Variants in SENP6 observed in about 807,000 individuals in gnomAD.
SENP6 encodes SUMO specific peptidase 6.
Under a neutral mutation model 134.5 loss-of-function variants are expected in SENP6, and 41 were observed. The observed-to-expected ratio is 0.30, with a 90% CI of 0.24 to 0.40. The LOEUF is 0.40. SENP6 is among the 10% of genes least tolerant of loss of function. The probability of loss-of-function intolerance (pLI) is 1.00; values close to 1 mark genes in which losing one functional copy is unlikely to be tolerated. For missense variants in SENP6, 1,248 were observed against 1,312.5 expected (o/e 0.95, Z 0.76); for synonymous variants, 395 against 429.8 (o/e 0.92, Z 1.00).
Position 75,666,910 on chromosome 6 carries a change from C to A in SENP6, c.1193C>A (p.Thr398Lys). The change falls in exon 10 of 24, where the codon ACA becomes AAA. Residue 398 changes from threonine to lysine, a missense_variant. Physicochemically the swap from Thr to Lys is moderately conservative, Grantham distance 78. Around this residue, in one of 3 missense-constraint regions of SENP6, gnomAD observed 733 missense variants for 725.4 expected, o/e 1.01. Transcript: ENST00000447266. ...IPEDSELNTV[T>K]LPRKARMKDQ... ...GAAGACTCAGAGTTAAATACAGTTA[C>A]ATTGCCAAGAAAAGCAAGAATGAAA... 1 of 1,605,264 alleles carries A rather than the reference C, an allele frequency of 6.2e-7. No individual in the cohort carries two copies. The highest frequency in any genetic ancestry group is 1.3e-5 in the African/African-American group (1 of 74,974).
intron 11 of SENP6, among the ~76,000 whole-genome samples, chr6:75,674,306 G>A (rs1481535456): frequency 1.3e-5 from 2 of 151,788 alleles, no homozygotes; most frequent in Non-Finnish European, 2.9e-5. Context: ...ATAGGTACAT[G>A]CCATCTATAC....
Position 75,663,510 on chromosome 6 carries a change from A to G in SENP6, c.986A>G (p.Asn329Ser), listed in dbSNP as rs1771936653. The G allele has an allele frequency of 1.9e-6, 3 of 1,607,034 alleles. No individual in the cohort carries two copies. The highest frequency in any genetic ancestry group is 1.3e-5 in the African/African-American group (1 of 74,500). The change falls in exon 9 of 24, where the codon AAT (asparagine) becomes AGT (serine). Residue 329 changes from asparagine (N) to serine (S), a missense_variant. Physicochemically the swap from Asn to Ser is conservative, Grantham distance 46. Transcript: ENST00000447266. ...AGGAAAACAAGTTTGTCAGACCTAAATGATCCAAGTAAGTATTTTACTCCC... is the reference window on the plus strand; with the variant it reads ...AGGAAAACAAGTTTGTCAGACCTAAGTGATCCAAGTAAGTATTTTACTCCC... ...KERKTSLSDL[N>S]DPIILSSDDD...
chr6:75,668,612 T>C (rs1232864874), intron 10 of SENP6, among the ~76,000 whole-genome samples: 2 of 152,128 alleles, frequency 1.3e-5, no homozygotes, highest in Non-Finnish European at 2.9e-5. Context: ...TTTGGAGAAG[T>C]GGAATGTTGA....
chr6:75,680,012 T>C (rs1279149444), intron 16 of SENP6: 2 of 152,246 alleles, frequency 1.3e-5, no homozygotes, highest in Non-Finnish European at 2.9e-5. Context: ...TTGATAGGCA[T>C]GACATCGTGG....
intron 7 of SENP6, among the ~76,000 whole-genome samples, chr6:75,653,421 T>C (rs1771070157): frequency 6.6e-6 from 1 of 152,236 alleles, no homozygotes; most frequent in African/African-American, 2.4e-5. Flanking sequence ...GTAAAGCTTT[T>C]CCAACCCTGG....
At chr6:75,714,133 T>C (rs1005977014) in intron 23 of SENP6, among the ~76,000 whole-genome samples, 2 of 152,182 alleles carry the variant, frequency 1.3e-5, no homozygotes, top group Non-Finnish European at 2.9e-5. Context: ...TTTAGCCTCT[T>C]TTCTCCTCTT....
intron 11 of SENP6, 150 bp from the exon 12 acceptor site, chr6:75,675,285 A>G (rs1040474104): frequency 4.1e-6 from 2 of 493,236 alleles, no homozygotes; most frequent in African/African-American, 2.0e-5. Context: ...AGCAATGTTT[A>G]GGTGTTCATT....
chr6:75,634,923 G>A, intron 5 of SENP6, 112 bp downstream of exon 5: 1 of 710,318 alleles, frequency 1.4e-6, no homozygotes, highest in African/African-American at 1.8e-5. Context: ...TTCACTGTCT[G>A]TAGAGAGATA....
rs1484978121 is a variant in SENP6 at position 75,718,059 on chromosome 6, ATGTAGGAGGTTTTATT to A, written c.*2468_*2483del. On this transcript the variant is annotated 3_prime_UTR_variant, in exon 24 of 24. Coordinates refer to ENST00000447266, the MANE Select transcript of SENP6 (RefSeq NM_015571.4). The stretch of plus-strand genomic sequence containing the variant: ...TGTGCTTAAACTTTTAGTCAATTAA[ATGTAGGAGGTTTTATT>A]TGAAAACATAAAATGATTCTCTAAA... The A allele has an allele frequency of 6.6e-6, 1 of 152,096 alleles. No homozygotes were observed. The highest frequency in any genetic ancestry group is 2.4e-5 in the African/African-American group (1 of 41,456). The allele number at this position is 152,096 out of a possible 1,614,324, so 9.4% of individuals were successfully genotyped here.
rs1770454143 is a variant in SENP6, at chr6:75,646,542, G to A, written c.480-1189G>A. On this transcript the variant is annotated intron_variant, in intron 6 of 23. Transcript: ENST00000447266. ...TGCTATTTTCTGACTGCTATTATAAGTACACTACTGTCAGCCGGGCGCGGT... is the reference window on the plus strand; with the variant it reads ...TGCTATTTTCTGACTGCTATTATAAATACACTACTGTCAGCCGGGCGCGGT... The A allele has an allele frequency of 3.3e-5, 5 of 152,170 alleles. No homozygotes were observed. In the South Asian group the frequency reaches 1.0e-3, roughly 31 times the overall value. 9.4% of individuals were successfully genotyped at this position (152,170 alleles called of 1,614,324 possible).
chr6:75,603,904 C>T (rs1026868814), intron 1 of SENP6, among the ~76,000 whole-genome samples: 3 of 152,124 alleles, frequency 2.0e-5, no homozygotes, highest in African/African-American at 7.2e-5. Context: ...AGAAAAGCTT[C>T]TGAGTTTTTC....
intron 16 of SENP6, chr6:75,679,555 G>A (rs1008751214): frequency 6.6e-6 from 1 of 152,264 alleles, no homozygotes; most frequent in African/African-American, 2.4e-5. Flanking sequence ...GCATTAACAT[G>A]GTACAGTCCT....
chr6:75,609,906 G>T (rs1379232173), intron 1 of SENP6, among the ~76,000 whole-genome samples: 3 of 152,098 alleles, frequency 2.0e-5, no homozygotes, highest in South Asian at 2.1e-4. Flanking sequence ...TGCTTCCTCA[G>T]CCTCCCTAGT....
At chr6:75,655,872 T>C (rs898745002) in intron 7 of SENP6, among the ~76,000 whole-genome samples, 2 of 152,100 alleles carry the variant, frequency 1.3e-5, no homozygotes, top group Non-Finnish European at 2.9e-5. Context: ...AGTAATATCT[T>C]CCATAGTCTC....
In SENP6 at chr6:75,658,689, G is replaced by A. The variant is rs111374188; in HGVS notation, c.551-573G>A. On this transcript the variant is annotated intron_variant, in intron 7 of 23. Coordinates refer to ENST00000447266, the MANE Select transcript of SENP6 (RefSeq NM_015571.4). Reference sequence around the variant, plus strand: ...CTTGTGGCAGGCTTAGTTTAGTTTCGTTTACCCAAACAATTGTACTGTTTG... The same window carrying A: ...CTTGTGGCAGGCTTAGTTTAGTTTCATTTACCCAAACAATTGTACTGTTTG... 4.6e-3 allele frequency among the ~76,000 whole-genome samples: 702 copies of A among 151,908 alleles called. 7 individuals are homozygous for A. Among genetic ancestry groups the A allele is most frequent in the African/African-American group, 0.016 (666 of 41,464 alleles).
At chr6:75,702,472 C>A (rs1775103663) in intron 18 of SENP6, among the ~76,000 whole-genome samples, 173 bp from the exon 19 acceptor site, 1 of 152,156 alleles carries the variant, frequency 6.6e-6, no homozygotes, top group South Asian at 2.1e-4. Context: ...CCCACCTCAG[C>A]CTCCCAAAGT....
chr6:75,626,719 C>T (rs72886827), intron 3 of SENP6, among the ~76,000 whole-genome samples: 5,340 of 152,204 alleles, frequency 0.035, 160 homozygotes, highest in Non-Finnish European at 0.05. Context: ...CTGCCAAATT[C>T]CCTATCTAAA....
intron 3 of SENP6, among the ~76,000 whole-genome samples, chr6:75,631,063 A>C (rs1347476264): frequency 1.3e-5 from 2 of 151,686 alleles, no homozygotes; most frequent in African/African-American, 4.8e-5. Flanking sequence ...GACATTTATC[A>C]TTTATAGAAC....
intron 7 of SENP6, among the ~76,000 whole-genome samples, chr6:75,649,294 G>A (rs1014319063): frequency 6.6e-6 from 1 of 152,000 alleles, no homozygotes; most frequent in Non-Finnish European, 1.5e-5. Flanking sequence ...CAGCCTGGGT[G>A]ACAGAGTGAG....
Sources: allele counts gnomAD v4.1 joint callset (sites outside exome capture counted in the v4.1 genomes callset), GRCh38; gene constraint gnomAD v4.1.1; regional missense constraint gnomAD v4.1.1; transcripts MANE v1.5; gene names NCBI Gene and HGNC (gene_info 2026-07-23, HGNC 2026-07-21).